KCNQ1: variants seen among roughly 807,000 people sequenced by gnomAD.
KCNQ1 encodes potassium voltage-gated channel subfamily KQT member 1.
KCNQ1 carries 49 observed loss-of-function variants against 72.4 expected under a neutral mutation model. The ratio of observed to expected loss-of-function variants is 0.68; its 90% CI spans 0.54 to 0.86. KCNQ1 has a LOEUF of 0.86. Among genes scored for constraint, KCNQ1 ranks in the 40% least tolerant of loss-of-function variants. The pLI is 0.00. For synonymous variants in KCNQ1, 450 were observed against 412.6 expected (o/e 1.09, Z -1.10); for missense variants, 790 against 945.1 (o/e 0.84, Z 2.15).
Position 2,678,241 on chromosome 11 carries a change from T to C in KCNQ1, c.1514+16160T>C. 1 of 398,410 alleles carries C rather than the reference T, an allele frequency of 2.5e-6. No individual in the cohort carries two copies. The highest frequency in any genetic ancestry group is 4.4e-6 in the Non-Finnish European group (1 of 225,960). The allele number at this position is 398,410 out of a possible 1,614,324, so 24.7% of individuals were successfully genotyped here. ...AGTCTTTTATGGTTTGAGGTCCTTATCTTAAATTCTGAAATAACCTCTCAT... is the reference window on the plus strand; with the variant it reads ...AGTCTTTTATGGTTTGAGGTCCTTACCTTAAATTCTGAAATAACCTCTCAT... On this transcript the variant is annotated intron_variant, in intron 11 of 15. Coordinates refer to ENST00000155840, the MANE Select transcript of KCNQ1 (RefSeq NM_000218.3). This position sits in a 1 kb window ranked among gnomAD's most constrained non-coding sequence, Gnocchi z 4.9.
chr11:2,699,508 GCCCCCAGGAGAGTGCC>G (rs1850739388), intron 11 of KCNQ1: 1 of 178,116 alleles, frequency 5.6e-6, no homozygotes, highest in East Asian at 7.6e-4. Context: ...GCGCTGAGGA[GCCCCCAGGAGAGTGCC>G]GCGCTGAGGA....
chr11:2,460,321 T>C (rs559918187), intron 1 of KCNQ1, among the ~76,000 whole-genome samples: 2 of 152,318 alleles, frequency 1.3e-5, no homozygotes, highest in Non-Finnish European at 2.9e-5. Flanking sequence ...ACTGCGCCCA[T>C]ATCCCTGGTC....
intron 10 of KCNQ1, chr11:2,619,147 C>T (rs1221876944): frequency 2.5e-6 from 1 of 398,448 alleles, no homozygotes; most frequent in African/African-American, 2.1e-5. Context: ...TTCTTACTTC[C>T]TGATTTGAAT....
intron 15 of KCNQ1, chr11:2,839,825 T>TCCAGCTCC (rs1443226295): frequency 6.6e-6 from 1 of 152,170 alleles, no homozygotes; most frequent in East Asian, 1.9e-4. Flanking sequence ...AGGTGTGGGT[T>TCCAGCTCC]CCAGCTCCCG....
rs376960420 is a variant in KCNQ1 at position 2,723,084 on chromosome 11, G to T, written c.1515-45760G>T. Among the ~76,000 whole-genome samples, 423 of 152,344 alleles carry T rather than the reference G, an allele frequency of 2.8e-3. 1 individual carries two copies. The highest frequency in any genetic ancestry group is 0.014 in the Middle Eastern group (4 of 294). ...AGGGTGGTCTGAGCGGAGAGGACAG[G>T]GGGGATCCCAGACGGATCCTGAAAA... On this transcript the variant is annotated intron_variant, in intron 11 of 15. Transcript: ENST00000155840. This position sits in a 1 kb window ranked among gnomAD's most constrained non-coding sequence, Gnocchi z 4.2.
In KCNQ1 at chr11:2,657,822, T is replaced by C; in HGVS notation, c.1394-4139T>C. On this transcript the variant is annotated intron_variant, in intron 10 of 15. Coordinates refer to ENST00000155840, the MANE Select transcript of KCNQ1 (RefSeq NM_000218.3). This position sits in a 1 kb window ranked among gnomAD's most constrained non-coding sequence, Gnocchi z 4.8. The stretch of plus-strand genomic sequence containing the variant: ...GGTGTCATTGTCCCTCAGTTTGGAT[T>C]TGTCTGGTGTTTTCTCAGGACTAGA... The C allele has an allele frequency of 2.5e-6, 1 of 398,636 alleles. No homozygotes were observed. The highest frequency in any genetic ancestry group is 4.4e-6 in the Non-Finnish European group (1 of 226,070). The allele number at this position is 398,636 out of a possible 1,614,324, so 24.7% of individuals were successfully genotyped here.
chr11:2,468,352 G>A lies in KCNQ1; in HGVS notation c.386+22868G>A, dbSNP rs1038653877. On this transcript the variant is annotated intron_variant, in intron 1 of 15. Coordinates refer to ENST00000155840, the MANE Select transcript of KCNQ1 (RefSeq NM_000218.3). This position sits in a 1 kb window ranked among gnomAD's most constrained non-coding sequence, Gnocchi z 5.7. ...TGTAGAGATGGGGTCTTGCTATATT[G>A]CCCAGTCTAGTCTCAAGCTCCTGAG... Among the ~76,000 whole-genome samples the A allele has an allele frequency of 6.6e-6, 1 of 152,140 alleles. No homozygotes were observed. Among genetic ancestry groups the A allele is most frequent in the Admixed American group, 6.5e-5 (1 of 15,284 alleles).
Position 2,687,028 on chromosome 11 carries a change from A to G in KCNQ1, c.1514+24947A>G, listed in dbSNP as rs1472978056. 2.5e-6 allele frequency: 1 copy of G among 398,508 alleles called. No individual in the cohort carries two copies. Among genetic ancestry groups the G allele is most frequent in the African/African-American group, 2.1e-5 (1 of 48,614 alleles). 24.7% of individuals were successfully genotyped at this position (398,508 alleles called of 1,614,324 possible). A position where few individuals can be genotyped will look rare whatever the true frequency, so the allele number is the denominator to read the frequency against. ...ATGGGAGCAAGAGCTTAGGGCTAAA[A>G]CTCAGCAGTCCCAGCTCTGGGGGAC... On this transcript the variant is annotated intron_variant, in intron 11 of 15. Coordinates refer to ENST00000155840, the MANE Select transcript of KCNQ1 (RefSeq NM_000218.3). This position sits in a 1 kb window ranked among gnomAD's most constrained non-coding sequence, Gnocchi z 5.0.
At position 2,479,492 on chromosome 11, in the gene KCNQ1, C is replaced by G. The variant is rs1034669902; in HGVS notation, c.386+34008C>G. ...AGCTACCAAGAGTTGGGGCTTGCAC[C>G]CTCTGAAGCCACAGCCCAAGCTGTA... On this transcript the variant is annotated intron_variant, in intron 1 of 15. Coordinates refer to ENST00000155840, the MANE Select transcript of KCNQ1 (RefSeq NM_000218.3). This position sits in a 1 kb window ranked among gnomAD's most constrained non-coding sequence, Gnocchi z 4.6. Among the ~76,000 whole-genome samples the G allele has an allele frequency of 1.3e-5, 2 of 152,206 alleles. No homozygotes were observed. Among genetic ancestry groups the G allele is most frequent in the Non-Finnish European group, 2.9e-5 (2 of 68,038 alleles).
chr11:2,778,074 GCGTC>G (rs1846744815), intron 15 of KCNQ1, 37 bp downstream of exon 15: 1 of 1,597,894 alleles, frequency 6.3e-7, no homozygotes, highest in South Asian at 1.1e-5. Context: ...GTTCTGGTTA[GCGTC>G]CTGGGGCCAG....
chr11:2,606,157 A>G (rs1380876996), intron 10 of KCNQ1, among the ~76,000 whole-genome samples: 1 of 152,072 alleles, frequency 6.6e-6, no homozygotes, highest in African/African-American at 2.4e-5. Flanking sequence ...TGTTTTCTTA[A>G]TTATATTTTC....
intron 11 of KCNQ1, chr11:2,689,317 A>G (rs1185816599): frequency 2.5e-6 from 1 of 398,546 alleles, no homozygotes; most frequent in African/African-American, 2.1e-5. Context: ...ATGCCACCTC[A>G]GGACTGCCCC....
Position 2,691,590 on chromosome 11 carries a change from A to C in KCNQ1, c.1514+29509A>C. On this transcript the variant is annotated intron_variant, in intron 11 of 15. Transcript: ENST00000155840. The surrounding 1 kb of genome is among the most constrained non-coding windows in gnomAD (Gnocchi z 6.4). Reference sequence around the variant, plus strand: ...CCTCAGCAAGGACGAGGCCTCCCTGAGGGAGTCAACCTAGCTTGTTCCCTG... The same window carrying C: ...CCTCAGCAAGGACGAGGCCTCCCTGCGGGAGTCAACCTAGCTTGTTCCCTG... The C allele has an allele frequency of 2.5e-6, 1 of 398,564 alleles. No individual in the cohort carries two copies. The allele number at this position is 398,564 out of a possible 1,614,324, so 24.7% of individuals were successfully genotyped here.
rs1021369380 is a variant in KCNQ1, at chr11:2,725,014, G to GT, written c.1515-43827dup. Among the ~76,000 whole-genome samples, 1 of 152,208 alleles carries GT rather than the reference G, an allele frequency of 6.6e-6. No homozygotes were observed. The highest frequency in any genetic ancestry group is 2.4e-5 in the African/African-American group (1 of 41,452). ...TGGTGTGCCACCAGGGTCCCTGTCCGTTTAAGAAAAGCCTGTGGGCCCAAT... is the reference window on the plus strand; with the variant it reads ...TGGTGTGCCACCAGGGTCCCTGTCCGTTTTAAGAAAAGCCTGTGGGCCCAAT... On this transcript the variant is annotated intron_variant, in intron 11 of 15. Coordinates refer to ENST00000155840, the MANE Select transcript of KCNQ1 (RefSeq NM_000218.3). The surrounding 1 kb of genome is among the most constrained non-coding windows in gnomAD (Gnocchi z 7.2).
At chr11:2,619,259 A>T (rs368892731) in intron 10 of KCNQ1, 9 of 398,386 alleles carry the variant, frequency 2.3e-5, no homozygotes, top group Non-Finnish European at 4.0e-5. Flanking sequence ...GTACTGGTTC[A>T]TAGTAGAAGG....
At chr11:2,758,157 C>T (rs1341019828) in intron 11 of KCNQ1, among the ~76,000 whole-genome samples, 1 of 152,002 alleles carries the variant, frequency 6.6e-6, no homozygotes, top group Non-Finnish European at 1.5e-5. Flanking sequence ...TATGTGCAAG[C>T]CACATATTTG....
At chr11:2,584,617 C>T (rs1456090331) in intron 7 of KCNQ1, among the ~76,000 whole-genome samples, 2 of 140,474 alleles carry the variant, frequency 1.4e-5, no homozygotes, top group Non-Finnish European at 3.1e-5. Flanking sequence ...GTGTGGGTTA[C>T]TGTGTGTTAG....
chr11:2,512,177 CG>C (rs1251434270), intron 1 of KCNQ1, among the ~76,000 whole-genome samples: 1 of 152,164 alleles, frequency 6.6e-6, no homozygotes, highest in Non-Finnish European at 1.5e-5. Context: ...GCCATAAGCT[CG>C]CTGAGCACTT....
In KCNQ1 at chr11:2,700,006, G is replaced by A. The variant is rs903242456; in HGVS notation, c.1514+37925G>A. On this transcript the variant is annotated intron_variant, in intron 11 of 15. Transcript: ENST00000155840. ...GCGGCGACCGTTCTGCCTGGAGACT[G>A]CGGCAGCGCTCCGACTGCCCCCGCC... 1.0e-5 allele frequency: 4 copies of A among 398,242 alleles called. No individual in the cohort carries two copies. In the South Asian group the frequency reaches 3.8e-4, roughly 38 times the overall value. The allele number at this position is 398,242 out of a possible 1,614,324, so 24.7% of individuals were successfully genotyped here. A position where few individuals can be genotyped will look rare whatever the true frequency, so the allele number is the denominator to read the frequency against.
Sources: allele counts gnomAD v4.1 joint callset (sites outside exome capture counted in the v4.1 genomes callset), GRCh38; gene constraint gnomAD v4.1.1; non-coding constraint Gnocchi (gnomAD v3.1); transcripts MANE v1.5; gene names NCBI Gene and HGNC (gene_info 2026-07-23, HGNC 2026-07-21).